Variants in SPAST observed in about 807,000 individuals in gnomAD.
SPAST encodes spastin, also known as spastic paraplegia 4 (autosomal dominant; spastin).
Under a neutral mutation model 76.6 loss-of-function variants are expected in SPAST, and 30 were observed. The observed-to-expected ratio is 0.39, with a 90% CI of 0.29 to 0.53. SPAST has a LOEUF of 0.53. SPAST is among the 20% of genes least tolerant of loss of function. SPAST has a pLI of 0.68. For synonymous variants in SPAST, 305 were observed against 281.0 expected (o/e 1.09, Z -0.86); for missense variants, 717 against 770.5 (o/e 0.93, Z 0.82).
chr2:32,108,712 G>C (rs1678417491), intron 4 of SPAST, among the ~76,000 whole-genome samples: 1 of 144,200 alleles, frequency 6.9e-6, no homozygotes, highest in African/African-American at 2.5e-5. Flanking sequence ...CAGACTCCCA[G>C]AGTGTTGGGA....
At chr2:32,124,617 A>G (rs530210423) in intron 7 of SPAST, among the ~76,000 whole-genome samples, 32 of 152,340 alleles carry the variant, frequency 2.1e-4, no homozygotes, top group African/African-American at 7.2e-4. Context: ...CATTATTCAT[A>G]GTTGCCAAAA....
At chr2:32,139,576 C>G (rs1024497268) in intron 12 of SPAST, among the ~76,000 whole-genome samples, 7 of 152,042 alleles carry the variant, frequency 4.6e-5, no homozygotes, top group African/African-American at 1.7e-4. Flanking sequence ...GCCTGTAATC[C>G]CAGCACTTTG....
chr2:32,136,090 GA>G (rs796744941), intron 9 of SPAST, among the ~76,000 whole-genome samples: 78 of 138,048 alleles, frequency 5.7e-4, no homozygotes, highest in South Asian at 9.2e-4. Flanking sequence ...AAAAAAAAAG[GA>G]AAAAAAAAAA....
In SPAST at chr2:32,068,103, C is replaced by T. The variant is rs1420760876; in HGVS notation, c.415+3857C>T. On this transcript the variant is annotated intron_variant, in intron 1 of 16. Transcript: ENST00000315285. ...ACGCCATTCTCCTGCCTCAGCTTCCCGAGTAGCTGGGACTACAGGCGCCCG... is the reference window on the plus strand; with the variant it reads ...ACGCCATTCTCCTGCCTCAGCTTCCTGAGTAGCTGGGACTACAGGCGCCCG... Among the ~76,000 whole-genome samples the T allele has an allele frequency of 3.3e-5, 5 of 151,046 alleles. No homozygotes were observed. In the East Asian group the frequency reaches 5.8e-4, roughly 18 times the overall value.
intron 14 of SPAST, among the ~76,000 whole-genome samples, chr2:32,144,707 G>A (rs761284101): frequency 2.0e-5 from 3 of 151,896 alleles, no homozygotes; most frequent in Non-Finnish European, 4.4e-5. Context: ...CCAACATGGC[G>A]AAACGCCATC....
chr2:32,147,975 C>T (rs888138963), intron 16 of SPAST, among the ~76,000 whole-genome samples: 4 of 142,060 alleles, frequency 2.8e-5, no homozygotes, highest in African/African-American at 1.0e-4. Context: ...GCTCTGTTCT[C>T]AGGCTGGAGT....
chr2:32,112,440 T>G (rs560975539), intron 4 of SPAST, among the ~76,000 whole-genome samples: 1 of 145,258 alleles, frequency 6.9e-6, no homozygotes, highest in Non-Finnish European at 1.5e-5. Flanking sequence ...CTCTGCCTCC[T>G]TGGTTCAAGC....
intron 3 of SPAST, among the ~76,000 whole-genome samples, chr2:32,097,938 T>C (rs1335747578): frequency 2.0e-5 from 3 of 152,016 alleles, no homozygotes; most frequent in African/African-American, 7.2e-5. Flanking sequence ...GACCTCCTGA[T>C]CTGCCTGCCT....
At chr2:32,136,428 C>G (rs1679538877) in intron 9 of SPAST, 135 bp from the exon 10 acceptor site, 1 of 716,964 alleles carries the variant, frequency 1.4e-6, no homozygotes, top group Non-Finnish European at 2.5e-6. Context: ...GTACTCTCCC[C>G]TTTCTCAAAC....
intron 3 of SPAST, among the ~76,000 whole-genome samples, chr2:32,093,274 G>C (rs886457378): frequency 2.2e-5 from 3 of 133,656 alleles, no homozygotes; most frequent in Middle Eastern, 5.5e-3. Context: ...TCCCGCCACT[G>C]CACTCCAGCC....
At chr2:32,127,285 G>GT (rs1227435099) in intron 8 of SPAST, 2 of 436,446 alleles carry the variant, frequency 4.6e-6, no homozygotes, top group South Asian at 2.3e-5. Context: ...ACCTGTCTAG[G>GT]TTTTTTATTT....
At chr2:32,137,701 T>A (rs567624900) in intron 12 of SPAST, among the ~76,000 whole-genome samples, 14 of 152,224 alleles carry the variant, frequency 9.2e-5, no homozygotes, top group Non-Finnish European at 1.9e-4. Context: ...TTCAAATTTG[T>A]AAAATAACTT....
In SPAST at chr2:32,087,575, C is replaced by G. The variant is rs148369331; in HGVS notation, c.499C>G (p.Gln167Glu). The G allele has an allele frequency of 1.3e-6, 2 of 1,564,178 alleles. No homozygotes were observed. Among genetic ancestry groups the G allele is most frequent in the African/African-American group, 1.4e-5 (1 of 73,750 alleles). Residue 167 changes from glutamine to glutamate, a missense_variant, in exon 2 of 17, where the codon CAA becomes GAA. Gln to Glu is a conservative substitution (Grantham distance 29). Around this residue, in one of 3 missense-constraint regions of SPAST, gnomAD observed 543 missense variants for 445.2 expected, o/e 1.22. Coordinates refer to ENST00000315285, the MANE Select transcript of SPAST (RefSeq NM_014946.4). ...EKGIAVIVTG[Q>E]GEQCERARRL... ...AGGAATAGCTGTTATAGTTACAGGACAAGGTAAGATTGTATTTGTTTATAG... is the reference window on the plus strand; with the variant it reads ...AGGAATAGCTGTTATAGTTACAGGAGAAGGTAAGATTGTATTTGTTTATAG...
intron 3 of SPAST, among the ~76,000 whole-genome samples, chr2:32,097,368 T>A (rs1275732196): frequency 6.6e-6 from 1 of 152,170 alleles, no homozygotes; most frequent in East Asian, 1.9e-4. Flanking sequence ...CAAGTTTGAG[T>A]GTGAAAAGCA....
At chr2:32,071,078 G>T (rs377754020) in intron 1 of SPAST, among the ~76,000 whole-genome samples, 48 of 152,258 alleles carry the variant, frequency 3.2e-4, no homozygotes, top group East Asian at 2.1e-3. Flanking sequence ...TGTAATAATG[G>T]TTCTTTGGAT....
Position 32,156,464 on chromosome 2 carries a change from A to C in SPAST, c.*1968A>C, listed in dbSNP as rs1263666334. 1 of 152,198 alleles carries C rather than the reference A, an allele frequency of 6.6e-6. No homozygotes were observed. Among genetic ancestry groups the C allele is most frequent in the African/African-American group, 2.4e-5 (1 of 41,444 alleles). The allele number at this position is 152,198 out of a possible 1,614,324, so 9.4% of individuals were successfully genotyped here. ...GAGTTGAGATAAATAGGGGAAAAAA[A>C]ATTTTTTTCAAGCCAGAGCTATGCA... On this transcript the variant is annotated 3_prime_UTR_variant, in exon 17 of 17. Coordinates refer to ENST00000315285, the MANE Select transcript of SPAST (RefSeq NM_014946.4).
At chr2:32,146,717 TAGCC>T (rs1558342922) in intron 15 of SPAST, among the ~76,000 whole-genome samples, 1 of 151,614 alleles carries the variant, frequency 6.6e-6, no homozygotes, top group Non-Finnish European at 1.5e-5. Context: ...ATACAAAAAT[TAGCC>T]AGGCGTGGTT....
chr2:32,066,399 G>T (rs1021769052), intron 1 of SPAST, among the ~76,000 whole-genome samples: 1 of 152,180 alleles, frequency 6.6e-6, no homozygotes, highest in African/African-American at 2.4e-5. Context: ...GCCAGTCATG[G>T]TGGCTCACGC....
intron 7 of SPAST, among the ~76,000 whole-genome samples, chr2:32,120,264 G>A (rs1014630888): frequency 1.2e-4 from 18 of 151,602 alleles, no homozygotes; most frequent in African/African-American, 3.6e-4. Context: ...TTACCTTTTC[G>A]AATCTATTAA....
Sources: allele counts gnomAD v4.1 joint callset (sites outside exome capture counted in the v4.1 genomes callset), GRCh38; gene constraint gnomAD v4.1.1; regional missense constraint gnomAD v4.1.1; transcripts MANE v1.5; gene names NCBI Gene and HGNC (gene_info 2026-07-23, HGNC 2026-07-21).